RALA: variants seen among roughly 807,000 people sequenced by gnomAD.
RALA encodes RAS like proto-oncogene A, also known as ras-related protein Ral-A.
A neutral mutation model predicts 24.0 loss-of-function variants in RALA; 5 were observed. The observed-to-expected ratio is 0.21, with a 90% confidence interval of 0.11 to 0.44. RALA has a LOEUF of 0.44. Ranked by LOEUF, RALA falls within the 20% of genes least tolerant of loss-of-function variation. The pLI is 0.99. For missense variants in RALA, 95 were observed against 241.2 expected (o/e 0.39, Z 4.01); for synonymous variants, 77 against 83.8 (o/e 0.92, Z 0.44).
chr7:39,661,430 AG>A (rs1162393469), intron 1 of RALA, among the ~76,000 whole-genome samples: 1 of 152,250 alleles, frequency 6.6e-6, no homozygotes, highest in Non-Finnish European at 1.5e-5. Context: ...TAAAATCAAA[AG>A]CAAGTTAGTT....
intron 2 of RALA, among the ~76,000 whole-genome samples, chr7:39,689,204 A>G (rs1361411187): frequency 6.6e-6 from 1 of 152,074 alleles, no homozygotes; most frequent in East Asian, 1.9e-4. Flanking sequence ...TCCCAGTCTG[A>G]TCTTGAACTA....
At chr7:39,624,123 C>T (rs921984786) in intron 1 of RALA, 1 of 152,238 alleles carries the variant, frequency 6.6e-6, no homozygotes, top group African/African-American at 2.4e-5. Flanking sequence ...ACCTTTCGTC[C>T]ACGGCGCCCA....
intron 1 of RALA, among the ~76,000 whole-genome samples, chr7:39,678,116 C>G (rs1207002727): frequency 6.7e-6 from 1 of 150,100 alleles, no homozygotes; most frequent in East Asian, 2.0e-4. Context: ...GTGGGTGCAG[C>G]GCACCAGCAT....
At chr7:39,699,210 G>A (rs920314378) in intron 4 of RALA, among the ~76,000 whole-genome samples, 14 of 128,930 alleles carry the variant, frequency 1.1e-4, no homozygotes, top group East Asian at 2.2e-4. Context: ...GCGCAATCTC[G>A]GCTCACTGCA....
intron 1 of RALA, among the ~76,000 whole-genome samples, chr7:39,643,301 A>G (rs188140760): frequency 6.6e-6 from 1 of 152,358 alleles, no homozygotes; most frequent in African/African-American, 2.4e-5. Context: ...ACTTGTTGTT[A>G]CTTTATACCT....
At chr7:39,635,985 A>G (rs943661622) in intron 1 of RALA, among the ~76,000 whole-genome samples, 2 of 152,174 alleles carry the variant, frequency 1.3e-5, no homozygotes, top group Non-Finnish European at 2.9e-5. Flanking sequence ...GTGTCTGGCT[A>G]CTTTCACCTA....
At chr7:39,660,616 T>C (rs1054910480) in intron 1 of RALA, among the ~76,000 whole-genome samples, 3 of 152,210 alleles carry the variant, frequency 2.0e-5, no homozygotes, top group African/African-American at 7.2e-5. Context: ...ACTATTAATC[T>C]AATATTGCAT....
chr7:39,695,304 G>C lies in RALA; in HGVS notation c.324-1381G>C, dbSNP rs531648854. Among the ~76,000 whole-genome samples, 3 of 152,132 alleles carry C rather than the reference G, an allele frequency of 2.0e-5. No homozygotes were observed. The East Asian group carries it at 5.8e-4, about 29-fold the overall frequency. On this transcript the variant is annotated intron_variant, in intron 3 of 4. Coordinates refer to ENST00000005257, the MANE Select transcript of RALA (RefSeq NM_005402.4). Reference sequence around the variant, plus strand: ...ATGCACATCCTCCCATGTACCTTAAGTCATCTCTAGATTACTTTTAATAGC... The same window carrying C: ...ATGCACATCCTCCCATGTACCTTAACTCATCTCTAGATTACTTTTAATAGC...
In RALA at chr7:39,651,087, G is replaced by A. The variant is rs1171106583; in HGVS notation, c.-38+27262G>A. ...TAGGATTTTTCAGCTTTACAATGGTGTACCATCATTATGTTTTTCACTTTC... is the reference window on the plus strand; with the variant it reads ...TAGGATTTTTCAGCTTTACAATGGTATACCATCATTATGTTTTTCACTTTC... On this transcript the variant is annotated intron_variant, in intron 1 of 4. Coordinates refer to ENST00000005257, the MANE Select transcript of RALA (RefSeq NM_005402.4). Among the ~76,000 whole-genome samples, 4 of 152,246 alleles carry A rather than the reference G, an allele frequency of 2.6e-5. No individual in the cohort carries two copies. In the East Asian group the frequency reaches 5.8e-4, roughly 22 times the overall value.
rs375852708 is a variant in RALA at position 39,681,085 on chromosome 7, G to A, written c.-37-5546G>A. Among the ~76,000 whole-genome samples the A allele has an allele frequency of 5.3e-4, 81 of 152,072 alleles. 4 individuals are homozygous for A. In the South Asian group the frequency reaches 0.016, roughly 29 times the overall value. On this transcript the variant is annotated intron_variant, in intron 1 of 4. Coordinates refer to ENST00000005257, the MANE Select transcript of RALA (RefSeq NM_005402.4). ...TTCTTCTGGTTCACTCCAGAACTTT[G>A]CTCCTAGAGTTCACTCTGTCTTCTA... is the stretch of plus-strand genomic sequence containing the variant.
At chr7:39,686,808 A>G (rs751315042) in intron 2 of RALA, 27 bp downstream of exon 2, 35 of 1,526,544 alleles carry the variant, frequency 2.3e-5, no homozygotes, top group Non-Finnish European at 3.1e-5. Flanking sequence ...TAATGGATCA[A>G]AGTTTAGGCT....
intron 1 of RALA, among the ~76,000 whole-genome samples, chr7:39,682,576 C>G (rs1792624230): frequency 6.6e-6 from 1 of 152,224 alleles, no homozygotes; most frequent in African/African-American, 2.4e-5. Flanking sequence ...AATTTTACCT[C>G]CTCTTACTCT....
In RALA at chr7:39,666,638, A is replaced by T. The variant is rs1018129025; in HGVS notation, c.-37-19993A>T. 9.2e-5 allele frequency among the ~76,000 whole-genome samples: 14 copies of T among 152,356 alleles called. 1 individual carries two copies. In the South Asian group the frequency reaches 2.7e-3, roughly 29 times the overall value. ...TGACTGGATGGATGTGGGGTGCCAC[A>T]TATACAAGTCAGAATTTAAGAGATT... On this transcript the variant is annotated intron_variant, in intron 1 of 4. Transcript: ENST00000005257.
In RALA at chr7:39,697,948, AGTGT is replaced by A. The variant is rs370929636; in HGVS notation, c.498+1112_498+1115del. Among the ~76,000 whole-genome samples, 89 of 148,882 alleles carry A rather than the reference AGTGT, an allele frequency of 6.0e-4. No individual in the cohort carries two copies. The Middle Eastern group carries it at 0.01, about 17-fold the overall frequency. On this transcript the variant is annotated intron_variant, in intron 4 of 4. Transcript: ENST00000005257. The stretch of plus-strand genomic sequence containing the variant: ...TTTTTCTAAGGTTAGGACTAGGGCA[AGTGT>A]GTGTGTGTGTGTGTGTGTGTGTATG...
chr7:39,629,204 T>C (rs1030836562), intron 1 of RALA, among the ~76,000 whole-genome samples: 7 of 152,150 alleles, frequency 4.6e-5, no homozygotes, highest in African/African-American at 1.7e-4. Flanking sequence ...CTACCAGCAG[T>C]GTATGAGAGT....
intron 1 of RALA, among the ~76,000 whole-genome samples, chr7:39,660,758 C>G (rs1792172913): frequency 6.6e-6 from 1 of 152,016 alleles, no homozygotes; most frequent in African/African-American, 2.4e-5. Flanking sequence ...TGCAGGTGAG[C>G]TGTATAACCT....
At chr7:39,643,116 G>A (rs1037808530) in intron 1 of RALA, among the ~76,000 whole-genome samples, 9 of 152,178 alleles carry the variant, frequency 5.9e-5, no homozygotes, top group Non-Finnish European at 1.0e-4. Flanking sequence ...TAATCATCCA[G>A]TAAAACCCTG....
At chr7:39,684,340 T>C (rs1425339435) in intron 1 of RALA, among the ~76,000 whole-genome samples, 1 of 152,210 alleles carries the variant, frequency 6.6e-6, no homozygotes, top group Non-Finnish European at 1.5e-5. Context: ...ATCTCAGTTA[T>C]GTTAAATGTA....
At chr7:39,668,465 A>G (rs564483299) in intron 1 of RALA, among the ~76,000 whole-genome samples, 9 of 152,366 alleles carry the variant, frequency 5.9e-5, no homozygotes, top group East Asian at 3.9e-4. Flanking sequence ...ACAGGATGAT[A>G]TATTACATAG....
Sources: allele counts gnomAD v4.1 joint callset (sites outside exome capture counted in the v4.1 genomes callset), GRCh38; gene constraint gnomAD v4.1.1; transcripts MANE v1.5; gene names NCBI Gene and HGNC (gene_info 2026-07-23, HGNC 2026-07-21).